Variants in DEPDC5 observed in about 807,000 individuals in gnomAD.
DEPDC5 encodes GATOR1 complex protein DEPDC5.
DEPDC5 carries 73 observed loss-of-function variants against 217.3 expected under a neutral mutation model. The observed-to-expected ratio is 0.34, with a 90% CI of 0.28 to 0.41. DEPDC5 has a LOEUF of 0.41. Ranked by LOEUF, DEPDC5 falls within the 10% of genes least tolerant of loss-of-function variation. The pLI is 1.00. For synonymous variants in DEPDC5, 733 were observed against 756.7 expected, an observed-to-expected ratio of 0.97 and a Z score of 0.51; for missense variants, 1,675 against 2,070.1, an observed-to-expected ratio of 0.81 and a Z score of 3.70.
At chr22:31,853,046 G>A (rs71313105) in intron 31 of DEPDC5, 1 of 152,278 alleles carries the variant, frequency 6.6e-6, no homozygotes, top group Admixed American at 6.5e-5. Context: ...TTGTTACTGA[G>A]GGCACTGGGT....
rs1294333896 is a variant in DEPDC5 at position 31,760,361 on chromosome 22, C to T, written c.147-295C>T. On this transcript the variant is annotated intron_variant, in intron 3 of 42. Coordinates refer to ENST00000651528, the MANE Select transcript of DEPDC5 (RefSeq NM_001242896.3). ...GGGATTACAGGCATGAGCCACCACA[C>T]CCGGCCTAATTTTTTCTATTTTTTA... Among the ~76,000 whole-genome samples, 5 of 152,056 alleles carry T rather than the reference C, an allele frequency of 3.3e-5. No individual in the cohort carries two copies. The South Asian group carries it at 8.3e-4, about 25-fold the overall frequency.
chr22:31,765,153 A>G, intron 5 of DEPDC5, 93 bp downstream of exon 5: 1 of 981,996 alleles, frequency 1.0e-6, no homozygotes, highest in South Asian at 1.4e-5. Flanking sequence ...ACTTAAGTGT[A>G]GTGTTAGCCT....
chr22:31,874,139 T>C lies in DEPDC5; in HGVS notation c.3564-134T>C, dbSNP rs2092928006. The C allele has an allele frequency of 2.2e-6, 3 of 1,348,620 alleles. No homozygotes were observed. In the South Asian group the frequency reaches 4.2e-5, roughly 19 times the overall value. The allele number at this position is 1,348,620 out of a possible 1,614,324, so 83.5% of individuals were successfully genotyped here. On this transcript the variant is annotated intron_variant, in intron 35 of 42. Coordinates refer to ENST00000651528, the MANE Select transcript of DEPDC5 (RefSeq NM_001242896.3). ...CCTCTCATGGGTGTTTCTCTGAGTC[T>C]AGGAATAGCATAGGGACATTGCTTT...
intron 37 of DEPDC5, 119 bp from the exon 38 acceptor site, chr22:31,879,406 C>T: frequency 1.1e-6 from 1 of 903,856 alleles, no homozygotes; most frequent in East Asian, 2.6e-5. Context: ...AGTATGTGGC[C>T]TTGTGTGTCG....
At chr22:31,789,643 ATC>A (rs1363814385) in intron 10 of DEPDC5, among the ~76,000 whole-genome samples, 1 of 152,230 alleles carries the variant, frequency 6.6e-6, no homozygotes, top group Non-Finnish European at 1.5e-5. Context: ...TCATTCGATT[ATC>A]TCACCTTGAT....
chr22:31,755,361 G>A (rs1251854802), intron 2 of DEPDC5: 1 of 239,152 alleles, frequency 4.2e-6, no homozygotes, highest in Non-Finnish European at 8.3e-6. Context: ...CATAGAGCAG[G>A]TATGATCAAA....
rs1173261498 is a variant in DEPDC5 at position 31,821,539 on chromosome 22, C to A, written c.1908C>A (p.Thr636=). The part of the protein sequence containing the change: ...SGEAIQIHHQ[T]RQNMAELQGS... ...AAGCCATCCAGATCCACCACCAGAC[C>A]CGACAGAATATGGCGGAGCTACAAG... Residue 636 remains threonine, a synonymous_variant, in exon 23 of 43, where the codon ACC becomes ACA. Coordinates refer to ENST00000651528, the MANE Select transcript of DEPDC5 (RefSeq NM_001242896.3). 1 of 1,614,202 alleles carries A rather than the reference C, an allele frequency of 6.2e-7. No homozygotes were observed. Among genetic ancestry groups the A allele is most frequent in the South Asian group, 1.1e-5 (1 of 91,084 alleles).
intron 10 of DEPDC5, 27 bp from the exon 11 acceptor site, chr22:31,792,006 A>G (rs2085716361): frequency 1.3e-6 from 2 of 1,541,066 alleles, no homozygotes; most frequent in Non-Finnish European, 1.8e-6. Flanking sequence ...ACAAACTTCA[A>G]CCCTGTTGTT....
intron 19 of DEPDC5, 66 bp downstream of exon 19, chr22:31,809,713 C>T (rs759762541): frequency 1.9e-6 from 3 of 1,562,854 alleles, no homozygotes; most frequent in Non-Finnish European, 2.6e-6. Flanking sequence ...GGTGCAGTGG[C>T]TCACGCCTAT....
chr22:31,893,765 T>A lies in DEPDC5; in HGVS notation c.4203+14T>A. On this transcript the variant is annotated intron_variant, in intron 39 of 42. Transcript: ENST00000651528. ...CTCTTCGAGATGGTGAGAACCTTCA[T>A]GCATGTTGTCAGGCCTTTGGCTCAC... 1 of 1,585,860 alleles carries A rather than the reference T, an allele frequency of 6.3e-7. No individual in the cohort carries two copies. The highest frequency in any genetic ancestry group is 1.4e-5 in the African/African-American group (1 of 73,746).
chr22:31,840,596 T>C (rs2091332093), intron 27 of DEPDC5, among the ~76,000 whole-genome samples: 1 of 152,264 alleles, frequency 6.6e-6, no homozygotes, highest in Non-Finnish European at 1.5e-5. Flanking sequence ...TGTCCAGTTC[T>C]GTTCCTGGCT....
chr22:31,761,002 G>C (rs565037117), intron 4 of DEPDC5, among the ~76,000 whole-genome samples: 11 of 148,360 alleles, frequency 7.4e-5, no homozygotes, highest in African/African-American at 2.7e-4. Flanking sequence ...TTTTTTCTGA[G>C]ACAGTGTCTT....
intron 14 of DEPDC5, among the ~76,000 whole-genome samples, chr22:31,801,432 A>G (rs1203217749): frequency 2.0e-5 from 3 of 152,210 alleles, no homozygotes; most frequent in East Asian, 3.8e-4. Flanking sequence ...AAGGGGAACC[A>G]TTGTTAGCAG....
chr22:31,798,386 C>T (rs546898323), intron 13 of DEPDC5, among the ~76,000 whole-genome samples, 196 bp from the exon 14 acceptor site: 14 of 152,176 alleles, frequency 9.2e-5, no homozygotes, highest in Non-Finnish European at 1.6e-4. Context: ...TGTGTGGTGG[C>T]GTGCGCCTGT....
At chr22:31,754,641 G>A (rs1322050580) in intron 1 of DEPDC5, among the ~76,000 whole-genome samples, 1 of 152,236 alleles carries the variant, frequency 6.6e-6, no homozygotes, top group East Asian at 1.9e-4. Context: ...TCTTCTCCTA[G>A]GTTTGACTAG....
intron 35 of DEPDC5, 91 bp downstream of exon 35, chr22:31,873,423 A>G (rs951043462): frequency 2.9e-6 from 4 of 1,397,616 alleles, no homozygotes; most frequent in South Asian, 2.7e-5. Flanking sequence ...AGATTTGTAC[A>G]TGACTGTACT....
At chr22:31,823,164 C>T (rs2089857155) in intron 24 of DEPDC5, 2 of 213,312 alleles carry the variant, frequency 9.4e-6, no homozygotes, top group East Asian at 2.3e-4. Context: ...CAGGAGAGAC[C>T]CAGAGGGGAG....
intron 41 of DEPDC5, among the ~76,000 whole-genome samples, chr22:31,905,436 C>G (rs1313437200): frequency 6.6e-6 from 1 of 151,718 alleles, no homozygotes; most frequent in African/African-American, 2.4e-5. Flanking sequence ...CGAGATCATG[C>G]CATTGCACTC....
intron 4 of DEPDC5, among the ~76,000 whole-genome samples, chr22:31,762,391 CA>C (rs2148056585): frequency 6.6e-6 from 1 of 152,214 alleles, no homozygotes; most frequent in East Asian, 1.9e-4. Flanking sequence ...TTCAAGGAAC[CA>C]AAATGTTAAT....
Sources: allele counts gnomAD v4.1 joint callset (sites outside exome capture counted in the v4.1 genomes callset), GRCh38; gene constraint gnomAD v4.1.1; transcripts MANE v1.5; gene names NCBI Gene and HGNC (gene_info 2026-07-23, HGNC 2026-07-21).